SYNE2: variants seen among roughly 807,000 people sequenced by gnomAD.
SYNE2 encodes nesprin-2.
A neutral mutation model predicts 856.3 loss-of-function variants in SYNE2; 431 were observed. The observed-to-expected ratio is 0.50, with a 90% CI of 0.47 to 0.55. The LOEUF is 0.55. SYNE2 is among the 20% of genes least tolerant of loss of function. SYNE2 has a pLI of 0.00. For synonymous variants in SYNE2, 2,923 were observed against 2,872.3 expected, an observed-to-expected ratio of 1.02 and a Z score of -0.56; for missense variants, 8,129 against 8,023.2, an observed-to-expected ratio of 1.01 and a Z score of -0.50.
intron 1 of SYNE2, among the ~76,000 whole-genome samples, chr14:63,781,223 A>G (rs1168292031): frequency 6.6e-6 from 1 of 151,560 alleles, no homozygotes; most frequent in East Asian, 1.9e-4. Context: ...GGTTGCGGTG[A>G]GCCGAGATCG....
At chr14:63,765,259 A>C (rs1314844201) in intron 1 of SYNE2, among the ~76,000 whole-genome samples, 2 of 152,210 alleles carry the variant, frequency 1.3e-5, no homozygotes, top group African/African-American at 2.4e-5. Flanking sequence ...ATGGATCTGA[A>C]AACAAGTAGC....
chr14:64,173,056 A>T (rs2098418406), intron 94 of SYNE2, among the ~76,000 whole-genome samples: 1 of 152,182 alleles, frequency 6.6e-6, no homozygotes, highest in Non-Finnish European at 1.5e-5. Context: ...ATGAGGTAAC[A>T]GGGAGGGAAA....
At chr14:63,846,390 C>T (rs926170011) in intron 1 of SYNE2, among the ~76,000 whole-genome samples, 9 of 151,856 alleles carry the variant, frequency 5.9e-5, no homozygotes, top group African/African-American at 1.9e-4. Flanking sequence ...CATTTTTGGC[C>T]GTTCTTTCAT....
At chr14:64,158,475 T>C in intron 85 of SYNE2, 150 bp from the exon 86 acceptor site, 6 of 801,116 alleles carry the variant, frequency 7.5e-6, no homozygotes, top group East Asian at 2.7e-5. Flanking sequence ...TTCTTATGCA[T>C]TGACCTACCC....
chr14:63,805,618 G>T (rs955280442), intron 1 of SYNE2, among the ~76,000 whole-genome samples: 8 of 136,620 alleles, frequency 5.9e-5, no homozygotes, highest in African/African-American at 2.1e-4. Context: ...CTCGTGATCC[G>T]CCCGCCTCGG....
chr14:63,894,730 A>C (rs181851158), intron 1 of SYNE2, among the ~76,000 whole-genome samples: 117 of 152,312 alleles, frequency 7.7e-4, no homozygotes, highest in Middle Eastern at 6.8e-3. Context: ...CCTTAGGAAT[A>C]TATTTTTATT....
intron 45 of SYNE2, among the ~76,000 whole-genome samples, chr14:64,034,133 CTG>C (rs1046832609): frequency 6.6e-6 from 1 of 152,168 alleles, no homozygotes; most frequent in African/African-American, 2.4e-5. Flanking sequence ...AATGACATAA[CTG>C]TGTTAATGAC....
In SYNE2 at chr14:64,014,974, T is replaced by TACAC. The variant is rs1162341254; in HGVS notation, c.4729-1483_4729-1480dup. 4.3e-3 allele frequency among the ~76,000 whole-genome samples: 366 copies of TACAC among 84,750 alleles called. 10 individuals carry two copies. Among genetic ancestry groups the TACAC allele is most frequent in the African/African-American group, 0.013 (302 of 23,532 alleles). The allele number at this position is 84,750 out of a possible 152,430, so 55.6% of individuals were successfully genotyped here. On this transcript the variant is annotated intron_variant, in intron 32 of 115. Coordinates refer to ENST00000555002, the MANE Select transcript of SYNE2 (RefSeq NM_182914.3). The stretch of plus-strand genomic sequence containing the variant: ...ATATATATATATATATATATATATA[T>TACAC]ACACACACACACACACACATATATA...
intron 49 of SYNE2, among the ~76,000 whole-genome samples, chr14:64,060,837 C>T (rs372186619): frequency 2.2e-3 from 331 of 152,250 alleles, no homozygotes; most frequent in Non-Finnish European, 3.9e-3. Flanking sequence ...CTGGGATGGG[C>T]AGTTGCCCTC....
At chr14:63,998,855 G>T (rs142480564) in intron 26 of SYNE2, 59 bp from the exon 27 acceptor site, 5 of 1,598,318 alleles carry the variant, frequency 3.1e-6, no homozygotes, top group Admixed American at 1.7e-5. Context: ...GAGCCACTGC[G>T]CTTGGCCTGT....
chr14:64,209,551 T>G lies in SYNE2; in HGVS notation c.18513T>G (p.Ser6171Arg). ...ATTCCTCAGAGGTGTTGTACACGAG[T>G]GCCAAAGAGGAACTGAAGAGGTTTG... is the stretch of plus-strand genomic sequence containing the variant. ...CPNSSEVLYT[S>R]AKEELKRFEA... The change falls in exon 102 of 116, where the codon AGT (serine) becomes AGG (arginine). Residue 6171 changes from serine (S) to arginine (R), a missense_variant. Coordinates refer to ENST00000555002, the MANE Select transcript of SYNE2 (RefSeq NM_182914.3). 6.2e-7 allele frequency: 1 copy of G among 1,614,036 alleles called. No homozygotes were observed. The highest frequency in any genetic ancestry group is 8.5e-7 in the Non-Finnish European group (1 of 1,179,994).
intron 99 of SYNE2, chr14:64,190,661 C>G (rs1362188181): frequency 1.4e-6 from 1 of 699,562 alleles, no homozygotes; most frequent in Non-Finnish European, 2.6e-6. Context: ...CCATGACTGC[C>G]CCACTACTTG....
At chr14:64,016,428 G>A (rs765893516) in intron 32 of SYNE2, 45 bp from the exon 33 acceptor site, 68 of 1,312,368 alleles carry the variant, frequency 5.2e-5, no homozygotes, top group South Asian at 1.3e-5. Flanking sequence ...TTAGCTGTTT[G>A]TCTATATCAA....
chr14:63,765,296 A>ATCT (rs957659509), intron 1 of SYNE2, among the ~76,000 whole-genome samples: 18 of 152,276 alleles, frequency 1.2e-4, no homozygotes, highest in African/African-American at 4.3e-4. Context: ...ACACTATTCC[A>ATCT]TCTTTTTTGC....
In SYNE2 at chr14:64,015,090, G is replaced by A. The variant is rs1020808128; in HGVS notation, c.4729-1383G>A. 1.2e-4 allele frequency among the ~76,000 whole-genome samples: 17 copies of A among 144,132 alleles called. No homozygotes were observed. The South Asian group carries it at 1.5e-3, about 13-fold the overall frequency. The allele number at this position is 144,132 out of a possible 152,430, so 94.6% of individuals were successfully genotyped here. ...GTGTATATATGTATATATATATAAC[G>A]TGTATATATATATATGTAGCTGAAT... On this transcript the variant is annotated intron_variant, in intron 32 of 115. Transcript: ENST00000555002.
At chr14:63,992,875 A>G (rs968125104) in intron 21 of SYNE2, among the ~76,000 whole-genome samples, 4 of 152,198 alleles carry the variant, frequency 2.6e-5, no homozygotes, top group African/African-American at 9.7e-5. Context: ...CCTTACCTGC[A>G]GCCGGTCCAT....
chr14:64,069,471 A>G (rs1452154750), intron 51 of SYNE2, among the ~76,000 whole-genome samples: 1 of 152,182 alleles, frequency 6.6e-6, no homozygotes, highest in Non-Finnish European at 1.5e-5. Flanking sequence ...TTGGGTACCC[A>G]ACTGGGTCAT....
At chr14:63,998,445 T>A in intron 26 of SYNE2, 117 bp downstream of exon 26, 1 of 703,302 alleles carries the variant, frequency 1.4e-6, no homozygotes, top group Non-Finnish European at 2.5e-6. Flanking sequence ...TATGATCCAG[T>A]AACTTAGAAA....
Position 64,125,193 on chromosome 14 carries a change from A to G in SYNE2, c.13537A>G (p.Ser4513Gly), listed in dbSNP as rs1188719070. Residue 4513 changes from serine (S) to glycine (G), a missense_variant, in exon 71 of 116, where the codon AGT becomes GGT. By Grantham distance (56) the Ser-to-Gly change is moderately conservative (BLOSUM62 0). Coordinates refer to ENST00000555002, the MANE Select transcript of SYNE2 (RefSeq NM_182914.3). ...TQLEDLRQEA[S>G]NLQTQENMTE... ...ACTTGAAGACCTGCGCCAAGAAGCA[A>G]GTAACCTTCAGACACAGGTAGAAGC... 8 of 1,614,200 alleles carry G rather than the reference A, an allele frequency of 5.0e-6. No individual in the cohort carries two copies. The highest frequency in any genetic ancestry group is 1.7e-5 in the Admixed American group (1 of 60,030).
Sources: allele counts gnomAD v4.1 joint callset (sites outside exome capture counted in the v4.1 genomes callset), GRCh38; gene constraint gnomAD v4.1.1; transcripts MANE v1.5; gene names NCBI Gene and HGNC (gene_info 2026-07-23, HGNC 2026-07-21).